The following SLC30A9 variants were observed in gnomAD, a reference collection of about 807,000 sequenced individuals.
SLC30A9 encodes proton-coupled zinc antiporter SLC30A9, mitochondrial.
A neutral mutation model predicts 87.5 loss-of-function variants in SLC30A9; 58 were observed. The ratio of observed to expected loss-of-function variants is 0.66; its 90% CI spans 0.54 to 0.82. The LOEUF (loss-of-function observed/expected upper bound fraction) is 0.82, where lower values mean the gene tolerates loss of function less well. Ranked by LOEUF, SLC30A9 falls within the 40% of genes least tolerant of loss-of-function variation. SLC30A9 has a pLI of 0.00. For synonymous variants in SLC30A9, 234 were observed against 233.0 expected (o/e 1.00, Z -0.04); for missense variants, 557 against 679.1 (o/e 0.82, Z 2.00).
rs180737632 is a variant in SLC30A9 at position 42,044,443 on chromosome 4, A to G, written c.738-4934A>G. Among the ~76,000 whole-genome samples, 933 of 151,258 alleles carry G rather than the reference A, an allele frequency of 6.2e-3. 3 individuals are homozygous for G. Among genetic ancestry groups the G allele is most frequent in the Non-Finnish European group, 0.01 (692 of 67,886 alleles). On this transcript the variant is annotated intron_variant, in intron 8 of 17. Transcript: ENST00000264451. Reference sequence around the variant, plus strand: ...CCTAGTCTCTGACAAAAAAGATTTTAAACCGACAAAGATCAAAAAAGACAA... The same window carrying G: ...CCTAGTCTCTGACAAAAAAGATTTTGAACCGACAAAGATCAAAAAAGACAA...
intron 15 of SLC30A9, among the ~76,000 whole-genome samples, chr4:42,073,932 C>A (rs1228350322): frequency 1.3e-5 from 2 of 152,076 alleles, no homozygotes; most frequent in African/African-American, 4.8e-5. Flanking sequence ...AGTTTTCTGT[C>A]TGTAGTTAGT....
At chr4:42,021,917 ATTTTTTTTTT>A (rs1180421350) in intron 4 of SLC30A9, among the ~76,000 whole-genome samples, 6 of 39,946 alleles carry the variant, frequency 1.5e-4, no homozygotes, top group African/African-American at 2.6e-4. Context: ...CGCCTGGCTA[ATTTTTTTTTT>A]TTTTTTTTTT....
chr4:42,084,857 C>T (rs1260550941), intron 17 of SLC30A9, among the ~76,000 whole-genome samples: 1 of 152,224 alleles, frequency 6.6e-6, no homozygotes, highest in Non-Finnish European at 1.5e-5. Flanking sequence ...TAATTGCCTA[C>T]TTAATTTACC....
At chr4:42,059,173 A>C (rs2153139554) in intron 9 of SLC30A9, among the ~76,000 whole-genome samples, 1 of 152,328 alleles carries the variant, frequency 6.6e-6, no homozygotes, top group South Asian at 2.1e-4. Flanking sequence ...AGAAGTCATT[A>C]TCTAGAAACT....
At chr4:42,053,581 C>T (rs947498734) in intron 9 of SLC30A9, among the ~76,000 whole-genome samples, 4 of 150,408 alleles carry the variant, frequency 2.7e-5, no homozygotes, top group East Asian at 3.9e-4. Flanking sequence ...CCCAGCTACT[C>T]GGGAGGCTAA....
At chr4:42,052,860 A>G (rs1717437336) in intron 9 of SLC30A9, among the ~76,000 whole-genome samples, 1 of 152,248 alleles carries the variant, frequency 6.6e-6, no homozygotes, top group African/African-American at 2.4e-5. Context: ...AATATCATAA[A>G]ATAAGATTTA....
At chr4:42,009,001 G>C (rs969019485) in intron 2 of SLC30A9, among the ~76,000 whole-genome samples, 2 of 152,150 alleles carry the variant, frequency 1.3e-5, no homozygotes, top group Non-Finnish European at 2.9e-5. Context: ...ATGTTTATTA[G>C]AACACAGTTA....
At position 42,049,325 on chromosome 4, in the gene SLC30A9, G is replaced by A. The variant is rs1399477933; in HGVS notation, c.738-52G>A. ...ATACAGCTGATTGAGTATGCTTTTGGCTTAAATTTTTGTCCAAACCTATGC... is the reference window on the plus strand; with the variant it reads ...ATACAGCTGATTGAGTATGCTTTTGACTTAAATTTTTGTCCAAACCTATGC... On this transcript the variant is annotated intron_variant, in intron 8 of 17. Transcript: ENST00000264451. 40 of 1,129,012 alleles carry A rather than the reference G, an allele frequency of 3.5e-5. No homozygotes were observed. The East Asian group carries it at 9.3e-4, about 26-fold the overall frequency. The allele number at this position is 1,129,012 out of a possible 1,614,324, so 69.9% of individuals were successfully genotyped here. A position where few individuals can be genotyped will look rare whatever the true frequency, so the allele number is the denominator to read the frequency against.
chr4:42,079,508 G>A (rs1560562730), intron 17 of SLC30A9, among the ~76,000 whole-genome samples: 1 of 151,884 alleles, frequency 6.6e-6, no homozygotes, highest in Non-Finnish European at 1.5e-5. Flanking sequence ...TGGCCAGGCT[G>A]GTCTCGAACT....
At position 42,066,587 on chromosome 4, in the gene SLC30A9, T is replaced by C. The variant is rs1281124977; in HGVS notation, c.1110T>C (p.Asn370=). 6.2e-7 allele frequency: 1 copy of C among 1,606,844 alleles called. No homozygotes were observed. Among genetic ancestry groups the C allele is most frequent in the Non-Finnish European group, 8.5e-7 (1 of 1,175,786 alleles). ...LLVAVNELRR[N]ARAKGMSFYK... ...TTGCTGTAAATGAACTTCGTAGGAATGCTCGGGCTAAAGGAATGTCATTTT... is the reference window on the plus strand; with the variant it reads ...TTGCTGTAAATGAACTTCGTAGGAACGCTCGGGCTAAAGGAATGTCATTTT... Residue 370 remains asparagine (N), a synonymous_variant, in exon 13 of 18, where the codon AAT becomes AAC. Transcript: ENST00000264451.
chr4:42,058,694 C>T (rs925891985), intron 9 of SLC30A9, among the ~76,000 whole-genome samples: 1 of 152,172 alleles, frequency 6.6e-6, no homozygotes, highest in African/African-American at 2.4e-5. Flanking sequence ...CACATGGTGG[C>T]AACACAAGAG....
intron 2 of SLC30A9, among the ~76,000 whole-genome samples, chr4:42,006,574 C>G (rs538963589): frequency 6.6e-6 from 1 of 151,974 alleles, no homozygotes; most frequent in Admixed American, 6.5e-5. Context: ...ATAGTCCCAG[C>G]TACTCAAGAT....
At chr4:42,057,148 C>G (rs1158227084) in intron 9 of SLC30A9, among the ~76,000 whole-genome samples, 1 of 152,212 alleles carries the variant, frequency 6.6e-6, no homozygotes, top group Non-Finnish European at 1.5e-5. Context: ...ACTGTGCAAG[C>G]TGTCAGTGGA....
At chr4:42,005,057 T>C (rs1715145550) in intron 2 of SLC30A9, among the ~76,000 whole-genome samples, 1 of 152,220 alleles carries the variant, frequency 6.6e-6, no homozygotes, top group Admixed American at 6.5e-5. Flanking sequence ...ACGTTAAACA[T>C]AGCTATTTTA....
At chr4:42,023,451 A>G in intron 6 of SLC30A9, 67 bp downstream of exon 6, 1 of 999,600 alleles carries the variant, frequency 1.0e-6, no homozygotes, top group East Asian at 2.4e-5. Context: ...TGTATCTGTA[A>G]GAACTCTCTA....
chr4:42,033,650 A>T (rs1051577804), intron 6 of SLC30A9, among the ~76,000 whole-genome samples: 1 of 152,026 alleles, frequency 6.6e-6, no homozygotes, highest in Non-Finnish European at 1.5e-5. Context: ...ATCTTGGCTC[A>T]CTGCAACCTC....
At chr4:42,035,782 G>A (rs1716656080) in intron 7 of SLC30A9, among the ~76,000 whole-genome samples, 1 of 74,370 alleles carries the variant, frequency 1.3e-5, no homozygotes, top group South Asian at 5.5e-4. Context: ...AAGCGTGCCC[G>A]GCCTGATTTT....
At chr4:42,002,452 T>C (rs1473088746) in intron 2 of SLC30A9, among the ~76,000 whole-genome samples, 1 of 151,950 alleles carries the variant, frequency 6.6e-6, no homozygotes, top group African/African-American at 2.4e-5. Context: ...GTAGTCCCCA[T>C]TGCCTATTTT....
intron 17 of SLC30A9, among the ~76,000 whole-genome samples, chr4:42,083,010 T>A (rs1256717151): frequency 6.6e-6 from 1 of 152,174 alleles, no homozygotes; most frequent in Non-Finnish European, 1.5e-5. Flanking sequence ...CTGTTAAACA[T>A]TTTTTGTCTT....
Sources: gnomAD v4.1 joint callset for allele counts (sites outside exome capture counted in the v4.1 genomes callset) on GRCh38, gnomAD v4.1.1 for gene constraint, MANE v1.5 for transcripts, NCBI Gene and HGNC (gene_info 2026-07-23, HGNC 2026-07-21) for gene names.